Variants in APBB2 observed in about 807,000 individuals in gnomAD.
APBB2 encodes the protein amyloid beta precursor protein binding family B member 2, also known as Fe65-like 1.
In APBB2, 38 loss-of-function variants were observed where a neutral mutation model predicts 82.5. That is an observed-to-expected ratio of 0.46 (90% CI 0.36 to 0.60). The LOEUF is 0.60. Among genes scored for constraint, APBB2 ranks in the 20% least tolerant of loss-of-function variants. The pLI, the probability that APBB2 is intolerant of heterozygous loss-of-function variation, is 0.00. For missense variants in APBB2, 772 were observed against 972.3 expected, an observed-to-expected ratio of 0.79 and a Z score of 2.74; for synonymous variants, 341 against 368.2, an observed-to-expected ratio of 0.93 and a Z score of 0.85.
intron 12 of APBB2, among the ~76,000 whole-genome samples, chr4:40,860,107 C>CA (rs1296772349): frequency 6.6e-6 from 1 of 152,202 alleles, no homozygotes; most frequent in African/African-American, 2.4e-5. Flanking sequence ...TATAAACTTA[C>CA]AGAGTCTGGT....
At chr4:40,936,375 T>C (rs1785370232) in intron 7 of APBB2, among the ~76,000 whole-genome samples, 1 of 152,214 alleles carries the variant, frequency 6.6e-6, no homozygotes, top group Non-Finnish European at 1.5e-5. Flanking sequence ...CTTGGCCTCC[T>C]GAGTAGCTGG....
At chr4:41,134,547 G>C (rs902702594) in intron 2 of APBB2, among the ~76,000 whole-genome samples, 1 of 152,080 alleles carries the variant, frequency 6.6e-6, no homozygotes, top group Non-Finnish European at 1.5e-5. Flanking sequence ...GCAGTGCTTT[G>C]ATTTATACAA....
chr4:41,021,629 C>T (rs1202842307), intron 5 of APBB2, among the ~76,000 whole-genome samples: 4 of 152,142 alleles, frequency 2.6e-5, no homozygotes, highest in Non-Finnish European at 5.9e-5. Context: ...TAAAATGGTC[C>T]GTTCAGTGCT....
intron 10 of APBB2, among the ~76,000 whole-genome samples, chr4:40,930,708 C>G (rs989298834): frequency 1.2e-4 from 19 of 152,072 alleles, no homozygotes; most frequent in Non-Finnish European, 2.6e-4. Context: ...TCCTCACAGA[C>G]TATATTTAGA....
chr4:40,939,130 CT>C (rs1560333190), intron 7 of APBB2, among the ~76,000 whole-genome samples: 1 of 152,222 alleles, frequency 6.6e-6, no homozygotes, highest in African/African-American at 2.4e-5. Context: ...TTTTCAGCCT[CT>C]ATAACCATAA....
At chr4:41,197,536 A>C in intron 1 of APBB2, among the ~76,000 whole-genome samples, 1 of 152,214 alleles carries the variant, frequency 6.6e-6, no homozygotes, top group Non-Finnish European at 1.5e-5. Flanking sequence ...TCAAGGTCAT[A>C]CAACAGTAAC....
chr4:41,200,673 A>G (rs910717051), intron 1 of APBB2, among the ~76,000 whole-genome samples: 1 of 152,176 alleles, frequency 6.6e-6, no homozygotes, highest in East Asian at 1.9e-4. Flanking sequence ...CTTTAAAAGT[A>G]TGTGTCACTC....
chr4:40,991,407 C>A (rs1802063569), intron 6 of APBB2, among the ~76,000 whole-genome samples: 1 of 151,918 alleles, frequency 6.6e-6, no homozygotes, highest in Non-Finnish European at 1.5e-5. Flanking sequence ...AACCCTCACA[C>A]CCCTTACGAT....
intron 12 of APBB2, among the ~76,000 whole-genome samples, chr4:40,879,391 G>A (rs1381259867): frequency 6.6e-6 from 1 of 152,042 alleles, no homozygotes; most frequent in Non-Finnish European, 1.5e-5. Flanking sequence ...CTGAACACAA[G>A]CCATTCCAAA....
At chr4:40,976,036 T>C (rs949140996) in intron 6 of APBB2, among the ~76,000 whole-genome samples, 2 of 152,172 alleles carry the variant, frequency 1.3e-5, no homozygotes, top group Non-Finnish European at 2.9e-5. Context: ...AAATGAATTT[T>C]TATCCTTCTT....
chr4:41,000,276 A>AATAAATAC (rs1804860285), intron 6 of APBB2, among the ~76,000 whole-genome samples: 1 of 151,866 alleles, frequency 6.6e-6, no homozygotes, highest in African/African-American at 2.4e-5. Flanking sequence ...TAAATAAATA[A>AATAAATAC]ATAAATAAAT....
At chr4:41,128,923 C>T (rs1286724834) in intron 2 of APBB2, among the ~76,000 whole-genome samples, 2 of 152,166 alleles carry the variant, frequency 1.3e-5, no homozygotes, top group African/African-American at 4.8e-5. Flanking sequence ...CCTTTACCTG[C>T]CTTTCCTACT....
chr4:41,203,190 T>TA (rs147550108), intron 1 of APBB2, among the ~76,000 whole-genome samples: 7,530 of 151,328 alleles, frequency 0.05, 379 homozygotes, highest in African/African-American at 0.12. Context: ...TTGCAGCTTG[T>TA]AAAAAAAAGA....
chr4:41,165,872 C>CTT (rs148637668), intron 1 of APBB2, among the ~76,000 whole-genome samples: 169 of 116,452 alleles, frequency 1.5e-3, no homozygotes, highest in African/African-American at 3.3e-3. Flanking sequence ...GTCAGGCCCC[C>CTT]TTTTTTTTTT....
chr4:40,855,992 A>G (rs1761072616), intron 12 of APBB2, among the ~76,000 whole-genome samples: 1 of 152,226 alleles, frequency 6.6e-6, no homozygotes, highest in African/African-American at 2.4e-5. Flanking sequence ...ACTAACTAAA[A>G]GGCAGCAGCA....
intron 10 of APBB2, among the ~76,000 whole-genome samples, chr4:40,903,667 G>C (rs1006201049): frequency 2.0e-5 from 3 of 152,156 alleles, no homozygotes; most frequent in African/African-American, 7.2e-5. Flanking sequence ...TCAGCGTAGA[G>C]AATAGGGATT....
chr4:40,930,491 A>G (rs1053573091), intron 10 of APBB2, among the ~76,000 whole-genome samples: 3 of 145,020 alleles, frequency 2.1e-5, no homozygotes, highest in Non-Finnish European at 3.0e-5. Flanking sequence ...ATGCGTGTGT[A>G]TGTGTGTGGT....
chr4:40,945,177 C>A (rs887705107), intron 6 of APBB2, 104 bp from the exon 7 acceptor site: 11 of 793,658 alleles, frequency 1.4e-5, no homozygotes, highest in Non-Finnish European at 2.3e-5. Context: ...TGTCCATAGT[C>A]CAAATGATTA....
Position 40,845,588 on chromosome 4 carries a change from CAA to C in APBB2, c.1530-15013_1530-15012del, listed in dbSNP as rs71198606. ...GAATCCAAATGAAAAGGAAATTCCT[CAA>C]AAAAAAAAAAAAAAAAAAAAAAAAA... On this transcript the variant is annotated intron_variant, in intron 12 of 17. Transcript: ENST00000508593. Among the ~76,000 whole-genome samples the C allele has an allele frequency of 3.2e-3, 183 of 56,466 alleles. 1 individual carries two copies. The highest frequency in any genetic ancestry group is 4.8e-3 in the South Asian group (5 of 1,032). 37.0% of individuals were successfully genotyped at this position (56,466 alleles called of 152,430 possible). A position where few individuals can be genotyped will look rare whatever the true frequency, so the allele number is the denominator to read the frequency against.
Sources: allele counts gnomAD v4.1 joint callset (sites outside exome capture counted in the v4.1 genomes callset), GRCh38; gene constraint gnomAD v4.1.1; transcripts MANE v1.5; gene names NCBI Gene and HGNC (gene_info 2026-07-23, HGNC 2026-07-21).